Variants in MAP3K20 observed in about 807,000 individuals in gnomAD.
MAP3K20 encodes the protein mitogen-activated protein kinase kinase kinase 20, also known as HCCS-4.
In MAP3K20, 40 loss-of-function variants were observed where a neutral mutation model predicts 85.7. The observed-to-expected ratio is 0.47, with a 90% CI of 0.36 to 0.61. The LOEUF (loss-of-function observed/expected upper bound fraction) is 0.61. Among genes scored for constraint, MAP3K20 ranks in the 20% least tolerant of loss-of-function variants. MAP3K20 has a pLI of 0.00. For synonymous variants in MAP3K20, 325 were observed against 327.7 expected (o/e 0.99, Z 0.09); for missense variants, 817 against 961.7 (o/e 0.85, Z 1.99).
At chr2:173,098,593 C>T (rs1169144682) in intron 2 of MAP3K20, among the ~76,000 whole-genome samples, 3 of 152,148 alleles carry the variant, frequency 2.0e-5, no homozygotes, top group Non-Finnish European at 4.4e-5. Flanking sequence ...TGATAAAATC[C>T]AAATACTTCT....
chr2:173,091,126 G>A lies in MAP3K20; in HGVS notation c.95G>A (p.Arg32Gln), dbSNP rs374943647. ...CGGGSFGSVY[R>Q]AKWISQDKEV... ...GGAGGAAGTTTTGGGAGTGTTTATC[G>A]AGCCAAATGGATATCACAGGACAAG... Residue 32 changes from arginine (R) to glutamine (Q), a missense_variant, in exon 2 of 20, where the codon CGA becomes CAA. Arg to Gln is a conservative substitution (Grantham distance 43, BLOSUM62 1). This residue lies in a region of MAP3K20 where 200 missense variants were observed against 302.7 expected (regional missense o/e 0.66). Coordinates refer to ENST00000375213, the MANE Select transcript of MAP3K20 (RefSeq NM_016653.3). 6.2e-7 allele frequency: 1 copy of A among 1,613,816 alleles called. No individual in the cohort carries two copies. The highest frequency in any genetic ancestry group is 8.5e-7 in the Non-Finnish European group (1 of 1,179,922).
intron 14 of MAP3K20, among the ~76,000 whole-genome samples, chr2:173,234,695 C>T (rs779719305): frequency 6.6e-6 from 1 of 152,150 alleles, no homozygotes; most frequent in African/African-American, 2.4e-5. Context: ...AGAGGAGTCC[C>T]GACCTACGTA....
rs529994038 is a variant in MAP3K20 at position 173,177,879 on chromosome 2, A to G, written c.248-4975A>G. The stretch of plus-strand genomic sequence containing the variant: ...TTTCAACACCTATATCAAAAAGAAG[A>G]AAATCTGAAGTGGATAACCTGAGCC... On this transcript the variant is annotated intron_variant, in intron 3 of 19. Transcript: ENST00000375213. 7.5e-3 allele frequency among the ~76,000 whole-genome samples: 485 copies of G among 64,468 alleles called. 2 individuals are homozygous for G. The highest frequency in any genetic ancestry group is 0.015 in the African/African-American group (465 of 31,990). 42.3% of individuals were successfully genotyped at this position (64,468 alleles called of 152,430 possible). A position where few individuals can be genotyped will look rare whatever the true frequency, so the allele number is the denominator to read the frequency against.
intron 9 of MAP3K20, among the ~76,000 whole-genome samples, chr2:173,208,825 G>A (rs919574952): frequency 1.3e-5 from 2 of 152,132 alleles, no homozygotes; most frequent in East Asian, 1.9e-4. Context: ...GCGTAATTAC[G>A]AGGCATGATG....
chr2:173,180,461 C>A (rs1202703363), intron 3 of MAP3K20, among the ~76,000 whole-genome samples: 1 of 152,062 alleles, frequency 6.6e-6, no homozygotes, highest in Non-Finnish European at 1.5e-5. Flanking sequence ...TCGCTTGAGC[C>A]CAGGAGTTCA....
chr2:173,226,758 GCA>G (rs199856094), intron 11 of MAP3K20: 15,824 of 985,510 alleles, frequency 0.016, 145 homozygotes, highest in Non-Finnish European at 0.018. Context: ...ATGATACACT[GCA>G]CATATTGCTT....
At chr2:173,204,971 C>T (rs867034199) in intron 9 of MAP3K20, among the ~76,000 whole-genome samples, 16 of 151,532 alleles carry the variant, frequency 1.1e-4, no homozygotes, top group African/African-American at 2.9e-4. Flanking sequence ...GGCGTGGTGG[C>T]GGGCACCTGT....
intron 2 of MAP3K20, among the ~76,000 whole-genome samples, chr2:173,150,879 T>G (rs531886398): frequency 6.6e-6 from 1 of 152,360 alleles, no homozygotes; most frequent in South Asian, 2.1e-4. Context: ...ATTGTTTTAA[T>G]GTAGGTACAA....
chr2:173,210,826 C>T (rs951981960), intron 10 of MAP3K20: 1 of 152,148 alleles, frequency 6.6e-6, no homozygotes, highest in African/African-American at 2.4e-5. Flanking sequence ...TTGAAAATTA[C>T]TGCGTTGTTT....
chr2:173,186,837 T>C (rs1574089354), intron 4 of MAP3K20, among the ~76,000 whole-genome samples: 1 of 152,218 alleles, frequency 6.6e-6, no homozygotes, highest in Non-Finnish European at 1.5e-5. Context: ...CTTTAAAGTA[T>C]AATTTTATAT....
At chr2:173,145,805 A>G (rs79672282) in intron 2 of MAP3K20, among the ~76,000 whole-genome samples, 9,736 of 152,224 alleles carry the variant, frequency 0.064, 950 homozygotes, top group East Asian at 0.53. Flanking sequence ...AGACTAGTAT[A>G]AGAATATTTG....
rs1688352466 is a variant in MAP3K20 at position 173,123,336 on chromosome 2, C to G, written c.159+32146C>G. Among the ~76,000 whole-genome samples, 3 of 152,272 alleles carry G rather than the reference C, an allele frequency of 2.0e-5. No individual in the cohort carries two copies. In the South Asian group the frequency reaches 6.2e-4, roughly 32 times the overall value. ...TTATCTAACACCATGGGTACCTACCCCCACACATATTCCCAGGGTTCTGCC... is the reference window on the plus strand; with the variant it reads ...TTATCTAACACCATGGGTACCTACCGCCACACATATTCCCAGGGTTCTGCC... On this transcript the variant is annotated intron_variant, in intron 2 of 19. Transcript: ENST00000375213.
At chr2:173,080,794 A>C (rs944233602) in intron 1 of MAP3K20, among the ~76,000 whole-genome samples, 3 of 152,146 alleles carry the variant, frequency 2.0e-5, no homozygotes, top group African/African-American at 4.8e-5. Flanking sequence ...TCCTGCTTTG[A>C]GTATAAGTGT....
rs1684385654 is a variant in MAP3K20 at position 173,226,280 on chromosome 2, AAG to A, written c.988-3406_988-3405del. The stretch of plus-strand genomic sequence containing the variant: ...TTTTCAGAGTTTTCATTGGAATGGT[AAG>A]AGTTTTATGAAAGACAGTTTTAAAA... On this transcript the variant is annotated intron_variant, in intron 11 of 19. Coordinates refer to ENST00000375213, the MANE Select transcript of MAP3K20 (RefSeq NM_016653.3). 12 of 985,426 alleles carry A rather than the reference AAG, an allele frequency of 1.2e-5. No homozygotes were observed. The South Asian group carries it at 4.2e-4, about 35-fold the overall frequency. 61.0% of individuals were successfully genotyped at this position (985,426 alleles called of 1,614,324 possible).
chr2:173,253,368 A>G (rs555242967), intron 16 of MAP3K20, among the ~76,000 whole-genome samples: 2 of 152,350 alleles, frequency 1.3e-5, no homozygotes, highest in South Asian at 4.1e-4. Flanking sequence ...TTCTGAGTAA[A>G]GAATGCTGAG....
At chr2:173,180,181 C>T (rs1190654700) in intron 3 of MAP3K20, among the ~76,000 whole-genome samples, 2 of 152,142 alleles carry the variant, frequency 1.3e-5, no homozygotes, top group Admixed American at 6.5e-5. Flanking sequence ...AAAGAACTAA[C>T]TTTGAGGACT....
chr2:173,208,280 T>C (rs1387338650), intron 9 of MAP3K20, among the ~76,000 whole-genome samples: 1 of 151,866 alleles, frequency 6.6e-6, no homozygotes, highest in Admixed American at 6.6e-5. Context: ...ACACCTTTAG[T>C]CCCCGCTACT....
chr2:173,209,084 TTTTAC>T (rs1683788169), intron 9 of MAP3K20, among the ~76,000 whole-genome samples: 1 of 152,190 alleles, frequency 6.6e-6, no homozygotes, highest in African/African-American at 2.4e-5. Context: ...TTTTTCTTGT[TTTTAC>T]TTTACTTTTA....
chr2:173,087,896 C>T (rs371637235), intron 1 of MAP3K20, among the ~76,000 whole-genome samples: 9 of 151,918 alleles, frequency 5.9e-5, no homozygotes, highest in Admixed American at 2.0e-4. Flanking sequence ...AGGGAAGATG[C>T]GAAATCCAAA....
Sources: allele counts gnomAD v4.1 joint callset (sites outside exome capture counted in the v4.1 genomes callset), GRCh38; gene constraint gnomAD v4.1.1; regional missense constraint gnomAD v4.1.1; transcripts MANE v1.5; gene names NCBI Gene and HGNC (gene_info 2026-07-23, HGNC 2026-07-21).